Variants in LMO3 observed in about 807,000 individuals in gnomAD.
The protein encoded by LMO3 is LIM domain only 3.
In LMO3, 2 loss-of-function variants were observed where a neutral mutation model predicts 15.8. That is an observed-to-expected ratio of 0.13 (90% CI 0.05 to 0.40). The LOEUF (loss-of-function observed/expected upper bound fraction) is 0.40, where lower values mean the gene tolerates loss of function less well. Ranked by LOEUF, LMO3 falls within the 10% of genes least tolerant of loss-of-function variation. The probability of loss-of-function intolerance (pLI) is 0.99; values close to 1 mark genes in which losing one functional copy is unlikely to be tolerated. For missense variants in LMO3, 86 were observed against 182.2 expected (o/e 0.47, Z 3.04); for synonymous variants, 62 against 63.8 (o/e 0.97, Z 0.13).
intron 2 of LMO3, among the ~76,000 whole-genome samples, chr12:16,566,028 A>G (rs1430458750): frequency 7.2e-5 from 6 of 82,848 alleles, no homozygotes; most frequent in Non-Finnish European, 1.5e-4. Context: ...ATATATATAT[A>G]TATATATATA....
chr12:16,566,404 A>G (rs147182700), intron 2 of LMO3, among the ~76,000 whole-genome samples: 6 of 152,162 alleles, frequency 3.9e-5, no homozygotes, highest in Admixed American at 1.3e-4. Flanking sequence ...GAAGCTTTTG[A>G]ATGTTTTCAA....
At chr12:16,609,928 T>A (rs1202030990), upstream of LMO3, 3 of 150,876 alleles carry the variant, frequency 2.0e-5, no homozygotes, top group South Asian at 2.1e-4. Context: ...TTTTTTTAAT[T>A]TTTTTTTTAG....
chr12:16,575,043 A>G (rs531573990), intron 2 of LMO3, among the ~76,000 whole-genome samples: 1 of 152,276 alleles, frequency 6.6e-6, no homozygotes, highest in South Asian at 2.1e-4. Context: ...CACAAAAGAA[A>G]AGGTGTTTTC....
rs1439083786 is a variant in LMO3, at chr12:16,591,743, G to A, written c.206+8912C>T. 6.6e-6 allele frequency among the ~76,000 whole-genome samples: 1 copy of A among 152,048 alleles called. No homozygotes were observed. The highest frequency in any genetic ancestry group is 6.6e-5 in the Admixed American group (1 of 15,248). On this transcript the variant is annotated intron_variant, in intron 2 of 3. Transcript: ENST00000537304. The surrounding 1 kb of genome is among the most constrained non-coding windows in gnomAD (Gnocchi z 4.1). ...ATGGAACAATACAAATAGCATGAAA[G>A]TTACAAGCTAAGTCTGTCTTGCTCT... is the stretch of plus-strand genomic sequence containing the variant.
chr12:16,583,798 C>G (rs1161829174), intron 2 of LMO3, among the ~76,000 whole-genome samples: 1 of 152,008 alleles, frequency 6.6e-6, no homozygotes, highest in Non-Finnish European at 1.5e-5. Context: ...TGGGAGGAGA[C>G]ACAGAAGATG....
intron 3 of LMO3, among the ~76,000 whole-genome samples, chr12:16,553,237 G>T (rs767339969): frequency 6.6e-6 from 1 of 152,092 alleles, no homozygotes; most frequent in Non-Finnish European, 1.5e-5. Flanking sequence ...CCCTGCCCAA[G>T]ATTCTGTAGT....
intron 2 of LMO3, among the ~76,000 whole-genome samples, chr12:16,575,991 C>T (rs1212460831): frequency 6.6e-6 from 1 of 151,798 alleles, no homozygotes; most frequent in Non-Finnish European, 1.5e-5. Context: ...TTTGAATTTG[C>T]CTCCTCTTCT....
chr12:16,571,989 T>A, intron 2 of LMO3, among the ~76,000 whole-genome samples: 1 of 151,826 alleles, frequency 6.6e-6, no homozygotes, highest in East Asian at 1.9e-4. Flanking sequence ...AAGAGAAAAA[T>A]CCCACATTAT....
In LMO3 at chr12:16,595,172, A is replaced by C. The variant is rs560327152; in HGVS notation, c.206+5483T>G. 1.5e-3 allele frequency among the ~76,000 whole-genome samples: 229 copies of C among 151,594 alleles called. 1 individual carries two copies. The highest frequency in any genetic ancestry group is 2.8e-3 in the Non-Finnish European group (189 of 67,492). Reference sequence around the variant, plus strand: ...CTTATTAAAAGATAAAAAACTATAAAGATACAGAAACATTATAAAATATTT... The same window carrying C: ...CTTATTAAAAGATAAAAAACTATAACGATACAGAAACATTATAAAATATTT... On this transcript the variant is annotated intron_variant, in intron 2 of 3. Transcript: ENST00000537304.
At position 16,603,971 on chromosome 12, in the gene LMO3, A is replaced by G. The variant is rs1943908433; in HGVS notation, c.-9+2095T>C. Among the ~76,000 whole-genome samples, 1 of 152,218 alleles carries G rather than the reference A, an allele frequency of 6.6e-6. No individual in the cohort carries two copies. The highest frequency in any genetic ancestry group is 1.9e-4 in the East Asian group (1 of 5,194). On this transcript the variant is annotated intron_variant, in intron 1 of 3. Coordinates refer to ENST00000537304, the MANE Select transcript of LMO3 (RefSeq NM_018640.5). This position sits in a 1 kb window ranked among gnomAD's most constrained non-coding sequence, Gnocchi z 4.9. ...CAGAGAACAATTTGGGAGAGGGAAGAGGAAGAGGGAATACATAAAGGGGGT... is the reference window on the plus strand; with the variant it reads ...CAGAGAACAATTTGGGAGAGGGAAGGGGAAGAGGGAATACATAAAGGGGGT...
At position 16,604,825 on chromosome 12, in the gene LMO3, A is replaced by T. The variant is rs1228527805; in HGVS notation, c.-9+1241T>A. 6.3e-7 allele frequency: 1 copy of T among 1,596,328 alleles called. No individual in the cohort carries two copies. Among genetic ancestry groups the T allele is most frequent in the East Asian group, 2.2e-5 (1 of 44,844 alleles). ...GGCTTTTGAGCGGCCAGGAGTGCAG[A>T]GCGCCAGCAAAGTGCATCTATGATA... On this transcript the variant is annotated intron_variant, in intron 1 of 3. Coordinates refer to ENST00000537304, the MANE Select transcript of LMO3 (RefSeq NM_018640.5). The surrounding 1 kb of genome is among the most constrained non-coding windows in gnomAD (Gnocchi z 5.3).
chr12:16,602,992 GA>G lies in LMO3; in HGVS notation c.-8-2125del, dbSNP rs35078906. Among the ~76,000 whole-genome samples the G allele has an allele frequency of 4.6e-3, 664 of 143,524 alleles. 3 individuals carry two copies. Among genetic ancestry groups the G allele is most frequent in the African/African-American group, 5.3e-3 (203 of 38,202 alleles). 94.2% of individuals were successfully genotyped at this position (143,524 alleles called of 152,430 possible). A position where few individuals can be genotyped will look rare whatever the true frequency, so the allele number is the denominator to read the frequency against. The stretch of plus-strand genomic sequence containing the variant: ...TCACAAAGCTCAAAGATGAAAAATC[GA>G]AAAAAAAAAAAATCCCAGTAGCAGC... On this transcript the variant is annotated intron_variant, in intron 1 of 3. Coordinates refer to ENST00000537304, the MANE Select transcript of LMO3 (RefSeq NM_018640.5).
chr12:16,594,987 A>C (rs556116165), intron 2 of LMO3, among the ~76,000 whole-genome samples: 1 of 151,606 alleles, frequency 6.6e-6, no homozygotes, highest in South Asian at 2.1e-4. Flanking sequence ...TGTATTTATA[A>C]AGTGCAAAAT....
chr12:16,608,899 A>G (rs1380567059), upstream of LMO3, among the ~76,000 whole-genome samples: 1 of 152,224 alleles, frequency 6.6e-6, no homozygotes, highest in African/African-American at 2.4e-5. The surrounding 1 kb of genome is among the most constrained non-coding windows in gnomAD (Gnocchi z 4.1). Flanking sequence ...TTTCATTATG[A>G]CTGATGAAAT....
chr12:16,551,158 A>C lies in LMO3; in HGVS notation c.*64T>G. ...GGTTCCTGTGTCAATTCTTATGTACATGTGGAGCAAAAAAGATAAAAGAAT... is the reference window on the plus strand; with the variant it reads ...GGTTCCTGTGTCAATTCTTATGTACCTGTGGAGCAAAAAAGATAAAAGAAT... On this transcript the variant is annotated 3_prime_UTR_variant, in exon 4 of 4. Coordinates refer to ENST00000537304, the MANE Select transcript of LMO3 (RefSeq NM_018640.5). 1 of 1,032,688 alleles carries C rather than the reference A, an allele frequency of 9.7e-7. No homozygotes were observed. Among genetic ancestry groups the C allele is most frequent in the Non-Finnish European group, 1.5e-6 (1 of 651,532 alleles). The allele number at this position is 1,032,688 out of a possible 1,614,324, so 64.0% of individuals were successfully genotyped here. A position where few individuals can be genotyped will look rare whatever the true frequency, so the allele number is the denominator to read the frequency against.
At chr12:16,574,891 T>C (rs1212164438) in intron 2 of LMO3, among the ~76,000 whole-genome samples, 4 of 152,124 alleles carry the variant, frequency 2.6e-5, no homozygotes, top group African/African-American at 4.8e-5. Context: ...ACAGCAGTGA[T>C]AGAAATCTGG....
In LMO3 at chr12:16,604,384, T is replaced by G. The variant is rs1454646011; in HGVS notation, c.-9+1682A>C. Among the ~76,000 whole-genome samples, 1 of 151,912 alleles carries G rather than the reference T, an allele frequency of 6.6e-6. No homozygotes were observed. Among genetic ancestry groups the G allele is most frequent in the African/African-American group, 2.4e-5 (1 of 41,346 alleles). ...CCCTCCCCTTTTTGAGCAATGGAGC[T>G]GGGAACCAATTTGATTCCCTTTTTC... On this transcript the variant is annotated intron_variant, in intron 1 of 3. Coordinates refer to ENST00000537304, the MANE Select transcript of LMO3 (RefSeq NM_018640.5). This position sits in a 1 kb window ranked among gnomAD's most constrained non-coding sequence, Gnocchi z 5.3.
At chr12:16,594,046 T>C in intron 2 of LMO3, 1 of 1,194,030 alleles carries the variant, frequency 8.4e-7, no homozygotes, top group Admixed American at 2.2e-5. Context: ...GACTGATTAA[T>C]ATCCTGTAAG....
At position 16,559,367 on chromosome 12, in the gene LMO3, T is replaced by C. The variant is rs1025442314; in HGVS notation, c.332+1046A>G. Among the ~76,000 whole-genome samples the C allele has an allele frequency of 3.3e-5, 5 of 152,214 alleles. No individual in the cohort carries two copies. The highest frequency in any genetic ancestry group is 1.2e-4 in the African/African-American group (5 of 41,458). ...AAAAAATGGAATTAAGTGATAATAC[T>C]TTTCAGCTGAAAGAATTCTCTGAGA... On this transcript the variant is annotated intron_variant, in intron 3 of 3. Transcript: ENST00000537304. This position sits in a 1 kb window ranked among gnomAD's most constrained non-coding sequence, Gnocchi z 4.1.
Sources: gnomAD v4.1 joint callset for allele counts (sites outside exome capture counted in the v4.1 genomes callset) on GRCh38, gnomAD v4.1.1 for gene constraint, Gnocchi (gnomAD v3.1) non-coding constraint, MANE v1.5 for transcripts, NCBI Gene and HGNC (gene_info 2026-07-23, HGNC 2026-07-21) for gene names.